Variants in AKAIN1 observed in about 807,000 individuals in gnomAD.
The protein encoded by AKAIN1 is A-kinase anchor inhibitor 1.
A neutral mutation model predicts 3.7 loss-of-function variants in AKAIN1; 3 were observed. That is an observed-to-expected ratio of 0.82 (90% CI 0.37 to 2.12). AKAIN1 has a LOEUF of 2.12. Among genes scored for constraint, AKAIN1 ranks in the 30% most tolerant of loss-of-function variants. AKAIN1 has a pLI of 0.06. For synonymous variants in AKAIN1, 31 were observed against 30.8 expected (o/e 1.01, Z -0.02); for missense variants, 82 against 82.7 (o/e 0.99, Z 0.03).
At chr18:5,175,212 C>T (rs773753030) in intron 1 of AKAIN1, among the ~76,000 whole-genome samples, 8 of 152,142 alleles carry the variant, frequency 5.3e-5, no homozygotes, top group Non-Finnish European at 1.2e-4. Flanking sequence ...TTTGTATACT[C>T]ATAAGGCCTT....
chr18:5,154,641 C>G (rs2071096865), intron 1 of AKAIN1, among the ~76,000 whole-genome samples: 2 of 152,078 alleles, frequency 1.3e-5, no homozygotes, highest in Admixed American at 6.5e-5. Flanking sequence ...GTTCTGGACC[C>G]TGATGGGATG....
intron 1 of AKAIN1, among the ~76,000 whole-genome samples, chr18:5,154,449 C>T (rs1351507908): frequency 6.6e-6 from 1 of 152,166 alleles, no homozygotes; most frequent in Non-Finnish European, 1.5e-5. Context: ...AGGTTTTCCT[C>T]CTTTTACCCC....
At chr18:5,195,678 G>A (rs980028745) in intron 1 of AKAIN1, among the ~76,000 whole-genome samples, 1 of 152,192 alleles carries the variant, frequency 6.6e-6, no homozygotes, top group African/African-American at 2.4e-5. Context: ...GGGTAATTAG[G>A]AGATCAAATG....
intron 1 of AKAIN1, among the ~76,000 whole-genome samples, chr18:5,149,164 C>T (rs571019779): frequency 2.6e-5 from 4 of 152,308 alleles, no homozygotes; most frequent in African/African-American, 7.2e-5. Flanking sequence ...ATTACCACTT[C>T]GTTTTGGATC....
intron 1 of AKAIN1, among the ~76,000 whole-genome samples, chr18:5,167,710 T>C (rs2071174707): frequency 6.6e-6 from 1 of 152,002 alleles, no homozygotes; most frequent in Non-Finnish European, 1.5e-5. Context: ...AATATTTTAT[T>C]TTTCGCTAGT....
intron 1 of AKAIN1, among the ~76,000 whole-genome samples, chr18:5,175,808 T>C (rs185041418): frequency 1.3e-5 from 2 of 152,120 alleles, no homozygotes; most frequent in East Asian, 3.9e-4. Flanking sequence ...TAACTTTAAA[T>C]TATAGGGTTT....
intron 1 of AKAIN1, among the ~76,000 whole-genome samples, chr18:5,194,219 T>TA (rs2071336174): frequency 6.6e-6 from 1 of 152,116 alleles, no homozygotes; most frequent in Non-Finnish European, 1.5e-5. Flanking sequence ...ATTAACTCCT[T>TA]AAAAAATTAG....
intron 1 of AKAIN1, among the ~76,000 whole-genome samples, chr18:5,160,292 T>G (rs1290263724): frequency 6.6e-6 from 1 of 152,216 alleles, no homozygotes; most frequent in South Asian, 2.1e-4. Context: ...CTGGTAAGCA[T>G]GCAATTATAT....
At chr18:5,150,057 G>A (rs1290662085) in intron 1 of AKAIN1, among the ~76,000 whole-genome samples, 2 of 152,168 alleles carry the variant, frequency 1.3e-5, no homozygotes, top group East Asian at 1.9e-4. Context: ...CAAAAAGTTC[G>A]GATCAAGAGG....
chr18:5,144,659 A>C lies in AKAIN1; in HGVS notation c.*903T>G, dbSNP rs772048907. On this transcript the variant is annotated 3_prime_UTR_variant, in exon 2 of 2. Coordinates refer to ENST00000434239, the MANE Select transcript of AKAIN1 (RefSeq NM_001145194.2). Reference sequence around the variant, plus strand: ...AGGTCCTAATGCAAATGCATAGCCTAGTGGCAAAACAGCATTCGTTAAGGA... The same window carrying C: ...AGGTCCTAATGCAAATGCATAGCCTCGTGGCAAAACAGCATTCGTTAAGGA... Among the ~76,000 whole-genome samples, 10 of 152,252 alleles carry C rather than the reference A, an allele frequency of 6.6e-5. No individual in the cohort carries two copies. The highest frequency in any genetic ancestry group is 1.3e-4 in the Non-Finnish European group (9 of 68,046).
intron 1 of AKAIN1, among the ~76,000 whole-genome samples, chr18:5,154,692 C>T (rs2071097241): frequency 6.6e-6 from 1 of 152,036 alleles, no homozygotes; most frequent in African/African-American, 2.4e-5. Context: ...CCCTCGCCAA[C>T]CCCTTTAGGC....
chr18:5,163,256 C>A (rs753908347), intron 1 of AKAIN1, among the ~76,000 whole-genome samples: 1 of 152,006 alleles, frequency 6.6e-6, no homozygotes, highest in African/African-American at 2.4e-5. Context: ...CAAATCTGCA[C>A]TGCATTTAGA....
chr18:5,162,554 A>G (rs1400496984), intron 1 of AKAIN1, among the ~76,000 whole-genome samples: 1 of 151,984 alleles, frequency 6.6e-6, no homozygotes, highest in African/African-American at 2.4e-5. Context: ...CTCAATAGAA[A>G]TGCCTAGGAT....
intron 1 of AKAIN1, among the ~76,000 whole-genome samples, chr18:5,192,393 C>CTTTCTTTCTTTCTTTCTT (rs1410522884): frequency 9.6e-5 from 9 of 93,404 alleles, no homozygotes; most frequent in Non-Finnish European, 2.3e-5. Context: ...AATTTTCTTT[C>CTTTCTTTCTTTCTTTCTT]TTTCTTTCTT....
chr18:5,157,997 T>C (rs1459677071), intron 1 of AKAIN1, among the ~76,000 whole-genome samples: 1 of 152,182 alleles, frequency 6.6e-6, no homozygotes, highest in African/African-American at 2.4e-5. Context: ...CCCAGCTCTG[T>C]TACAACTGAC....
At chr18:5,190,895 C>G (rs932257323) in intron 1 of AKAIN1, among the ~76,000 whole-genome samples, 6 of 152,142 alleles carry the variant, frequency 3.9e-5, no homozygotes, top group African/African-American at 1.4e-4. Context: ...GTTCCAAAGG[C>G]CCTACTGCAA....
At chr18:5,191,764 G>A (rs1213451384) in intron 1 of AKAIN1, among the ~76,000 whole-genome samples, 4 of 152,004 alleles carry the variant, frequency 2.6e-5, no homozygotes, top group African/African-American at 9.7e-5. Flanking sequence ...TATCCAAAAT[G>A]CTAAGGGCAA....
intron 1 of AKAIN1, among the ~76,000 whole-genome samples, chr18:5,191,592 C>T (rs2071318839): frequency 6.6e-6 from 1 of 151,880 alleles, no homozygotes. Flanking sequence ...TCAGGAAATT[C>T]CATCTAAATT....
intron 1 of AKAIN1, among the ~76,000 whole-genome samples, chr18:5,194,797 T>A (rs918077084): frequency 2.6e-5 from 4 of 152,352 alleles, no homozygotes; most frequent in Admixed American, 6.5e-5. Context: ...TTTGGAGTGA[T>A]CTTAGCACAT....
Sources: gnomAD v4.1 joint callset for allele counts (sites outside exome capture counted in the v4.1 genomes callset) on GRCh38, gnomAD v4.1.1 for gene constraint, MANE v1.5 for transcripts, NCBI Gene and HGNC (gene_info 2026-07-23, HGNC 2026-07-21) for gene names.